GJC1: variants seen among roughly 807,000 people sequenced by gnomAD.
GJC1 encodes the protein gap junction gamma-1 protein.
GJC1 carries 5 observed loss-of-function variants against 29.3 expected under a neutral mutation model. The ratio of observed to expected loss-of-function variants is 0.17; its 90% CI spans 0.09 to 0.36. GJC1 has a LOEUF of 0.36. GJC1 is among the 10% of genes least tolerant of loss of function. GJC1 has a pLI of 1.00. For synonymous variants in GJC1, 177 were observed against 183.3 expected, an observed-to-expected ratio of 0.97 and a Z score of 0.28; for missense variants, 310 against 496.2, an observed-to-expected ratio of 0.62 and a Z score of 3.56.
At chr17:44,813,484 C>CT (rs35299072) in intron 1 of GJC1, among the ~76,000 whole-genome samples, 2,803 of 80,490 alleles carry the variant, frequency 0.035, 204 homozygotes, top group African/African-American at 0.064. Context: ...TTCCAAGTTA[C>CT]TTTTTTTTTT....
intron 1 of GJC1, among the ~76,000 whole-genome samples, chr17:44,825,218 G>T (rs1484800126): frequency 1.6e-4 from 10 of 61,860 alleles, no homozygotes; most frequent in East Asian, 1.3e-3. Context: ...AAAAAAAAAA[G>T]GCTGGGCGCA....
At chr17:44,817,508 C>A (rs969287756) in intron 1 of GJC1, among the ~76,000 whole-genome samples, 1 of 150,678 alleles carries the variant, frequency 6.6e-6, no homozygotes, top group Non-Finnish European at 1.5e-5. Context: ...GTCAGGAGTT[C>A]GAGACCAGCC....
chr17:44,828,610 C>T lies in GJC1; in HGVS notation c.-97+1452G>A, dbSNP rs906017557. 2.6e-5 allele frequency among the ~76,000 whole-genome samples: 4 copies of T among 152,240 alleles called. No homozygotes were observed. The East Asian group carries it at 7.7e-4, about 29-fold the overall frequency. ...TTTATTGGAGCTTTTTACCTTCTAC[C>T]CAGAAAAGTTAGTTCGTGTTTAATT... On this transcript the variant is annotated intron_variant, in intron 1 of 2. Transcript: ENST00000592524.
downstream of GJC1, among the ~76,000 whole-genome samples, chr17:44,796,509 C>T (rs1234120321): frequency 6.6e-6 from 1 of 152,204 alleles, no homozygotes; most frequent in Non-Finnish European, 1.5e-5. Flanking sequence ...TCTAAACCTT[C>T]TTGAACAGAG....
intron 1 of GJC1, among the ~76,000 whole-genome samples, chr17:44,817,371 G>A (rs1193543817): frequency 2.0e-5 from 3 of 151,696 alleles, no homozygotes; most frequent in African/African-American, 7.3e-5. Context: ...ATTATGTACA[G>A]GTTCTATGTG....
chr17:44,808,502 G>A (rs919627561), intron 1 of GJC1, among the ~76,000 whole-genome samples: 1 of 151,758 alleles, frequency 6.6e-6, no homozygotes, highest in Non-Finnish European at 1.5e-5. Context: ...TGTAATCCCA[G>A]CACTTCGGGA....
At chr17:44,826,552 T>C (rs1040624814) in intron 1 of GJC1, among the ~76,000 whole-genome samples, 2 of 148,858 alleles carry the variant, frequency 1.3e-5, no homozygotes, top group Admixed American at 6.7e-5. Context: ...AAAAGTAAAA[T>C]GCTATCTGCA....
intron 1 of GJC1, among the ~76,000 whole-genome samples, chr17:44,816,981 C>T (rs1444850536): frequency 6.6e-6 from 1 of 151,824 alleles, no homozygotes; most frequent in Non-Finnish European, 1.5e-5. Context: ...GAGGCCAAGG[C>T]GGGCGGATCA....
In GJC1 at chr17:44,807,170, C is replaced by A. The variant is rs1122109; in HGVS notation, c.-21+224G>T. Among the ~76,000 whole-genome samples the A allele has an allele frequency of 0.33, 50,905 of 152,104 alleles. 9,439 individuals carry two copies. Among genetic ancestry groups the A allele is most frequent in the East Asian group, 0.46 (2,359 of 5,168 alleles). On this transcript the variant is annotated intron_variant, in intron 2 of 2. Transcript: ENST00000592524. ...ACATTAAATCCAATCAACAGCAAAT[C>A]CATTTAAAACAGCATTTTAAAGGAC...
chr17:44,805,192 C>A lies in GJC1; in HGVS notation c.626G>T (p.Cys209Phe). ...YGFQVHPFYVCSRLPCPHKID... is the reference protein window; with the variant it reads ...YGFQVHPFYVFSRLPCPHKID... ...CTTATGAGGACAAGGAAGTCTGCTGCACACATAAAACGGGTGGACTTGGAA... is the reference window on the plus strand; with the variant it reads ...CTTATGAGGACAAGGAAGTCTGCTGAACACATAAAACGGGTGGACTTGGAA... The change falls in exon 3 of 3, where the codon TGC becomes TTC. Residue 209 changes from cysteine (C) to phenylalanine (F), a missense_variant. By Grantham distance (205) the Cys-to-Phe change is radical (BLOSUM62 -2). Coordinates refer to ENST00000592524, the MANE Select transcript of GJC1 (RefSeq NM_005497.4). This position sits in a 1 kb window ranked among gnomAD's most constrained non-coding sequence, Gnocchi z 5.1. The A allele has an allele frequency of 6.2e-7, 1 of 1,614,140 alleles. No individual in the cohort carries two copies. The highest frequency in any genetic ancestry group is 8.5e-7 in the Non-Finnish European group (1 of 1,180,026).
chr17:44,810,580 C>T lies in GJC1; in HGVS notation c.-96-3111G>A, dbSNP rs891064861. On this transcript the variant is annotated intron_variant, in intron 1 of 2. Coordinates refer to ENST00000592524, the MANE Select transcript of GJC1 (RefSeq NM_005497.4). ...ACTCTGAAGTCTTCGGAATGAGTATCGCTACGGTCTATGCTCTTGACCACA... is the reference window on the plus strand; with the variant it reads ...ACTCTGAAGTCTTCGGAATGAGTATTGCTACGGTCTATGCTCTTGACCACA... 2.0e-5 allele frequency among the ~76,000 whole-genome samples: 3 copies of T among 152,190 alleles called. 1 individual carries two copies. The Middle Eastern group carries it at 0.01, about 518-fold the overall frequency.
rs753182101 is a variant in GJC1, at chr17:44,805,494, G to A, written c.324C>T (p.Asp108=). 1 of 1,614,092 alleles carries A rather than the reference G, an allele frequency of 6.2e-7. No homozygotes were observed. Among genetic ancestry groups the A allele is most frequent in the African/African-American group, 1.3e-5 (1 of 75,012 alleles). The stretch of plus-strand genomic sequence containing the variant: ...AGGGCTTGCTCCGAGCTGCCTTCTT[G>A]TCTGCTTCACCGTGCTCCATTTTGG... The part of the protein sequence containing the change: ...KIAKMEHGEA[D]KKAARSKPYA... The change falls in exon 3 of 3, where the codon GAC becomes GAT. Residue 108 remains aspartate, a synonymous_variant. Coordinates refer to ENST00000592524, the MANE Select transcript of GJC1 (RefSeq NM_005497.4). This position sits in a 1 kb window ranked among gnomAD's most constrained non-coding sequence, Gnocchi z 5.1.
chr17:44,801,297 A>T lies in GJC1; in HGVS notation c.*3330T>A, dbSNP rs1385568203. 4 of 152,170 alleles carry T rather than the reference A, an allele frequency of 2.6e-5. No individual in the cohort carries two copies. Among genetic ancestry groups the T allele is most frequent in the African/African-American group, 9.7e-5 (4 of 41,420 alleles). The allele number at this position is 152,170 out of a possible 1,614,324, so 9.4% of individuals were successfully genotyped here. A position where few individuals can be genotyped will look rare whatever the true frequency, so the allele number is the denominator to read the frequency against. On this transcript the variant is annotated 3_prime_UTR_variant, in exon 3 of 3. Coordinates refer to ENST00000592524, the MANE Select transcript of GJC1 (RefSeq NM_005497.4). ...AAGACTCTGTCTTAAGAAAAAAAAG[A>T]GCAAAGGACACACCACATCTGCATA...
downstream of GJC1, chr17:44,794,176 T>A (rs1383026665): frequency 6.6e-6 from 1 of 152,174 alleles, no homozygotes; most frequent in Non-Finnish European, 1.5e-5. Flanking sequence ...ACTGTAACAG[T>A]TCCCACCCTG....
intron 1 of GJC1, chr17:44,829,527 G>A (rs1039682422): frequency 1.3e-5 from 2 of 152,200 alleles, no homozygotes; most frequent in Non-Finnish European, 2.9e-5. Flanking sequence ...TCTAACCCCC[G>A]GGAGGCAGGA....
At chr17:44,808,040 C>A (rs1202712547) in intron 1 of GJC1, among the ~76,000 whole-genome samples, 1 of 152,166 alleles carries the variant, frequency 6.6e-6, no homozygotes, top group Non-Finnish European at 1.5e-5. Context: ...GATTAAACAG[C>A]AAAACAGAAA....
intron 1 of GJC1, among the ~76,000 whole-genome samples, chr17:44,818,201 G>A (rs940985122): frequency 5.9e-5 from 9 of 151,778 alleles, no homozygotes; most frequent in East Asian, 1.9e-4. Flanking sequence ...CGACAAGAGC[G>A]AAACTCTGTC....
In GJC1 at chr17:44,827,449, G is replaced by T. The variant is rs145590274; in HGVS notation, c.-97+2613C>A. On this transcript the variant is annotated intron_variant, in intron 1 of 2. Coordinates refer to ENST00000592524, the MANE Select transcript of GJC1 (RefSeq NM_005497.4). Reference sequence around the variant, plus strand: ...ACACTACAAGAAAAGCATAAGTTCAGAAATAAGTAATCATACCCCCTAGTC... The same window carrying T: ...ACACTACAAGAAAAGCATAAGTTCATAAATAAGTAATCATACCCCCTAGTC... 5.0e-3 allele frequency among the ~76,000 whole-genome samples: 767 copies of T among 152,180 alleles called. 7 individuals are homozygous for T. Among genetic ancestry groups the T allele is most frequent in the African/African-American group, 0.017 (721 of 41,510 alleles).
Position 44,800,301 on chromosome 17 carries a change from G to A in GJC1, c.*4326C>T, listed in dbSNP as rs1250482443. 6 of 151,986 alleles carry A rather than the reference G, an allele frequency of 3.9e-5. No homozygotes were observed. Among genetic ancestry groups the A allele is most frequent in the Non-Finnish European group, 7.4e-5 (5 of 68,008 alleles). 9.4% of individuals were successfully genotyped at this position (151,986 alleles called of 1,614,324 possible). On this transcript the variant is annotated 3_prime_UTR_variant, in exon 3 of 3. Transcript: ENST00000592524. ...TTTTTGGTATTTTTAGTAGAGACGG[G>A]GTTTCACCATGTTGGCCAGGCTGGT... is the stretch of plus-strand genomic sequence containing the variant.
Sources: allele counts gnomAD v4.1 joint callset (sites outside exome capture counted in the v4.1 genomes callset), GRCh38; gene constraint gnomAD v4.1.1; non-coding constraint Gnocchi (gnomAD v3.1); transcripts MANE v1.5; gene names NCBI Gene and HGNC (gene_info 2026-07-23, HGNC 2026-07-21).